The following KCTD16 variants were observed in gnomAD, a reference collection of about 807,000 sequenced individuals.
KCTD16 encodes the protein BTB/POZ domain-containing protein KCTD16.
Under a neutral mutation model 33.2 loss-of-function variants are expected in KCTD16, and 13 were observed. That is an observed-to-expected ratio of 0.39 (90% CI 0.25 to 0.62). The LOEUF (loss-of-function observed/expected upper bound fraction) is 0.62, where lower values mean the gene tolerates loss of function less well. Ranked by LOEUF, KCTD16 falls within the 20% of genes least tolerant of loss-of-function variation. The pLI, the probability that KCTD16 is intolerant of heterozygous loss-of-function variation, is 0.50. For missense variants in KCTD16, 441 were observed against 525.1 expected (o/e 0.84, Z 1.57); for synonymous variants, 197 against 195.3 (o/e 1.01, Z -0.07).
chr5:144,319,262 A>G (rs1752010873), intron 3 of KCTD16, among the ~76,000 whole-genome samples: 1 of 152,180 alleles, frequency 6.6e-6, no homozygotes, highest in Non-Finnish European at 1.5e-5. Context: ...CATTTTATTT[A>G]CATTTTGTAG....
chr5:144,366,687 A>G (rs1561581989), intron 3 of KCTD16, among the ~76,000 whole-genome samples: 1 of 152,150 alleles, frequency 6.6e-6, no homozygotes, highest in Admixed American at 6.5e-5. Context: ...GAAAAAAACA[A>G]TACTGCTATC....
chr5:144,202,041 C>T (rs1043279162), intron 2 of KCTD16, among the ~76,000 whole-genome samples: 1 of 152,246 alleles, frequency 6.6e-6, no homozygotes, highest in South Asian at 2.1e-4. Flanking sequence ...GAAACAGAGG[C>T]GAAAACATAT....
intron 3 of KCTD16, among the ~76,000 whole-genome samples, chr5:144,213,653 A>T (rs1322972549): frequency 2.0e-5 from 3 of 152,202 alleles, no homozygotes; most frequent in African/African-American, 7.2e-5. Context: ...CACAGGTGAC[A>T]GCAAGTTCAT....
At chr5:144,303,451 G>A (rs1751500299) in intron 3 of KCTD16, among the ~76,000 whole-genome samples, 1 of 152,164 alleles carries the variant, frequency 6.6e-6, no homozygotes, top group Non-Finnish European at 1.5e-5. Flanking sequence ...GGGCTGGGTT[G>A]TTCAGAGATG....
chr5:144,434,208 G>A (rs1238050991), intron 3 of KCTD16, among the ~76,000 whole-genome samples: 1 of 152,086 alleles, frequency 6.6e-6, no homozygotes, highest in Admixed American at 6.6e-5. Flanking sequence ...TGAAGACTGA[G>A]CTGACCGTGT....
At chr5:144,220,244 G>A (rs1464911426) in intron 3 of KCTD16, among the ~76,000 whole-genome samples, 1 of 152,196 alleles carries the variant, frequency 6.6e-6, no homozygotes, top group Non-Finnish European at 1.5e-5. Context: ...GCCTTCTGCT[G>A]TCGTCCCAGC....
chr5:144,192,657 T>A (rs781174114), intron 2 of KCTD16, among the ~76,000 whole-genome samples: 3 of 152,170 alleles, frequency 2.0e-5, no homozygotes, highest in Non-Finnish European at 2.9e-5. Context: ...ACCTTTCAGA[T>A]TTTAAGAGCA....
intron 3 of KCTD16, among the ~76,000 whole-genome samples, chr5:144,395,808 T>C (rs552668613): frequency 6.6e-6 from 1 of 152,290 alleles, no homozygotes; most frequent in South Asian, 2.1e-4. Flanking sequence ...AGTAAACTGA[T>C]GGCAGTGCAG....
intron 3 of KCTD16, among the ~76,000 whole-genome samples, chr5:144,220,407 G>A (rs1313097025): frequency 1.3e-5 from 2 of 152,056 alleles, no homozygotes; most frequent in South Asian, 2.1e-4. Context: ...AGCTATATTT[G>A]TCCTACTCTT....
chr5:144,314,618 T>C lies in KCTD16; in HGVS notation c.832+107072T>C, dbSNP rs1751856832. On this transcript the variant is annotated intron_variant, in intron 3 of 3. Coordinates refer to ENST00000512467, the MANE Select transcript of KCTD16 (RefSeq NM_020768.4). Reference sequence around the variant, plus strand: ...GGGGTAGGCAGGGAGGACTGGAGGATGGTAGGATGTCAGGATTATGTATAA... The same window carrying C: ...GGGGTAGGCAGGGAGGACTGGAGGACGGTAGGATGTCAGGATTATGTATAA... 2.0e-5 allele frequency among the ~76,000 whole-genome samples: 3 copies of C among 152,092 alleles called. No homozygotes were observed. In the South Asian group the frequency reaches 6.2e-4, roughly 32 times the overall value.
intron 3 of KCTD16, among the ~76,000 whole-genome samples, chr5:144,233,804 A>G (rs899158317): frequency 3.9e-5 from 6 of 152,158 alleles, no homozygotes; most frequent in East Asian, 1.9e-4. Flanking sequence ...AATTGTGCCA[A>G]CTGGTTTTAT....
chr5:144,338,537 T>C (rs1042226626), intron 3 of KCTD16, among the ~76,000 whole-genome samples: 7 of 152,186 alleles, frequency 4.6e-5, no homozygotes, highest in African/African-American at 1.7e-4. Context: ...CAGGGGTGAT[T>C]ATTCTTTGAG....
At chr5:144,243,503 A>C (rs1754460663) in intron 3 of KCTD16, among the ~76,000 whole-genome samples, 1 of 152,054 alleles carries the variant, frequency 6.6e-6, no homozygotes, top group Non-Finnish European at 1.5e-5. Context: ...TATCTGTTCT[A>C]TCTTTTTGTT....
intron 3 of KCTD16, among the ~76,000 whole-genome samples, chr5:144,314,939 C>T (rs1751866197): frequency 6.6e-6 from 1 of 152,180 alleles, no homozygotes; most frequent in Non-Finnish European, 1.5e-5. Flanking sequence ...GCTGAAGCTT[C>T]AGTAGAGACC....
intron 3 of KCTD16, among the ~76,000 whole-genome samples, chr5:144,217,664 T>G (rs866905874): frequency 3.1e-4 from 47 of 152,310 alleles, no homozygotes; most frequent in Non-Finnish European, 1.3e-4. Context: ...TTAAAATGGG[T>G]AGAAAATGTC....
rs186846488 is a variant in KCTD16 at position 144,471,817 on chromosome 5, A to T, written c.833-1843A>T. On this transcript the variant is annotated intron_variant, in intron 3 of 3. Transcript: ENST00000512467. ...TAATTGGATTGTTGCATTTAATTTA[A>T]TGGCTCTATAAATACGATGATTACT... Among the ~76,000 whole-genome samples the T allele has an allele frequency of 9.7e-4, 147 of 152,310 alleles. 2 individuals are homozygous for T. The highest frequency in any genetic ancestry group is 3.3e-3 in the African/African-American group (138 of 41,568).
chr5:144,302,628 C>G (rs535039379), intron 3 of KCTD16, among the ~76,000 whole-genome samples: 36 of 152,272 alleles, frequency 2.4e-4, no homozygotes, highest in African/African-American at 8.2e-4. Context: ...TTTTAGCTTC[C>G]TGAATACTTA....
Position 144,483,632 on chromosome 5 carries a change from G to C in KCTD16, c.*9518G>C, listed in dbSNP as rs1335738931. On this transcript the variant is annotated 3_prime_UTR_variant, in exon 4 of 4. Transcript: ENST00000512467. The stretch of plus-strand genomic sequence containing the variant: ...TTTGGCCATCTTAAGAATACAGTAA[G>C]TTGTGTACTCATTCATAGCCACATG... 3.3e-5 allele frequency: 5 copies of C among 151,942 alleles called. No homozygotes were observed. The highest frequency in any genetic ancestry group is 1.2e-4 in the African/African-American group (5 of 41,396). The allele number at this position is 151,942 out of a possible 1,614,324, so 9.4% of individuals were successfully genotyped here.
rs1243299314 is a variant in KCTD16, at chr5:144,478,948, A to G, written c.*4834A>G. 2 of 151,886 alleles carry G rather than the reference A, an allele frequency of 1.3e-5. No homozygotes were observed. Among genetic ancestry groups the G allele is most frequent in the Non-Finnish European group, 2.9e-5 (2 of 67,866 alleles). 9.4% of individuals were successfully genotyped at this position (151,886 alleles called of 1,614,324 possible). A position where few individuals can be genotyped will look rare whatever the true frequency, so the allele number is the denominator to read the frequency against. Reference sequence around the variant, plus strand: ...GTGTATGTGTATGGGTTTTTTCCCAAAATAAAAGCCTGCATTATTATAGTC... The same window carrying G: ...GTGTATGTGTATGGGTTTTTTCCCAGAATAAAAGCCTGCATTATTATAGTC... On this transcript the variant is annotated 3_prime_UTR_variant, in exon 4 of 4. Coordinates refer to ENST00000512467, the MANE Select transcript of KCTD16 (RefSeq NM_020768.4).
Sources: gnomAD v4.1 joint callset for allele counts (sites outside exome capture counted in the v4.1 genomes callset) on GRCh38, gnomAD v4.1.1 for gene constraint, MANE v1.5 for transcripts, NCBI Gene and HGNC (gene_info 2026-07-23, HGNC 2026-07-21) for gene names.